KCTD19: variants seen among roughly 807,000 people sequenced by gnomAD.
The protein encoded by KCTD19 is potassium channel tetramerization domain containing 19.
KCTD19 carries 67 observed loss-of-function variants against 103.5 expected under a neutral mutation model. The ratio of observed to expected loss-of-function variants is 0.65; its 90% CI spans 0.53 to 0.79. The LOEUF (loss-of-function observed/expected upper bound fraction) is 0.79. Among genes scored for constraint, KCTD19 ranks in the 30% least tolerant of loss-of-function variants. The pLI, the probability that KCTD19 is intolerant of heterozygous loss-of-function variation, is 0.00. For missense variants in KCTD19, 980 were observed against 1,136.1 expected (o/e 0.86, Z 1.98); for synonymous variants, 439 against 452.2 (o/e 0.97, Z 0.37).
At chr16:67,295,222 G>A in intron 9 of KCTD19, 41 bp downstream of exon 9, 1 of 1,608,302 alleles carries the variant, frequency 6.2e-7, no homozygotes, top group South Asian at 1.1e-5. Context: ...GGAGGGGTCA[G>A]CCTTCGTGAT....
At chr16:67,302,137 G>A in intron 4 of KCTD19, 1 of 458,444 alleles carries the variant, frequency 2.2e-6, no homozygotes, top group Non-Finnish European at 3.9e-6. Flanking sequence ...TGAGGCCGTG[G>A]GTGTGGCCTC....
At chr16:67,315,418 G>T (rs2037000807) in intron 2 of KCTD19, among the ~76,000 whole-genome samples, 1 of 151,448 alleles carries the variant, frequency 6.6e-6, no homozygotes, top group Non-Finnish European at 1.5e-5. Context: ...CGACACTCCT[G>T]CCTCAGCCTC....
At chr16:67,321,599 A>G (rs1040201309) in intron 1 of KCTD19, 1 of 152,242 alleles carries the variant, frequency 6.6e-6, no homozygotes, top group South Asian at 2.1e-4. Flanking sequence ...GATCCAGAAT[A>G]GCTAAAACAG....
chr16:67,293,154 G>A lies in KCTD19; in HGVS notation c.2218+390C>T, dbSNP rs963278132. On this transcript the variant is annotated intron_variant, in intron 12 of 15. Coordinates refer to ENST00000304372, the MANE Select transcript of KCTD19 (RefSeq NM_001100915.3). The surrounding 1 kb of genome is among the most constrained non-coding windows in gnomAD (Gnocchi z 4.0). ...GTCCTGAAGCTGGCCCACGAGGCCT[G>A]TCCTTATGACTTCTGTCTTCAGCCT... Among the ~76,000 whole-genome samples, 1 of 152,204 alleles carries A rather than the reference G, an allele frequency of 6.6e-6. No individual in the cohort carries two copies.
chr16:67,325,923 T>C (rs1397825927), intron 1 of KCTD19: 1 of 150,744 alleles, frequency 6.6e-6, no homozygotes, highest in East Asian at 1.9e-4. Flanking sequence ...ACCTTTTTTT[T>C]TTTTTTTTTT....
Position 67,297,605 on chromosome 16 carries a change from G to T in KCTD19, c.1045C>A (p.Leu349Ile). Residue 349 changes from leucine to isoleucine, a missense_variant, in exon 7 of 16, where the codon CTC becomes ATC. By Grantham distance (5) the Leu-to-Ile change is conservative. Coordinates refer to ENST00000304372, the MANE Select transcript of KCTD19 (RefSeq NM_001100915.3). ...LTETISEVYE[L>I]CAFLDKRDIT... is the part of the protein sequence containing the mutation. ...TCCCTTTTGTCTAGGAAGGCACAGAGCTCATATACCTCGGAAATGGTCTCT... is the reference window on the plus strand; with the variant it reads ...TCCCTTTTGTCTAGGAAGGCACAGATCTCATATACCTCGGAAATGGTCTCT... The T allele has an allele frequency of 6.2e-7, 1 of 1,614,112 alleles. No homozygotes were observed. Among genetic ancestry groups the T allele is most frequent in the African/African-American group, 1.3e-5 (1 of 75,026 alleles).
In KCTD19 at chr16:67,293,498, T is replaced by C; in HGVS notation, c.2218+46A>G. ...TGCCATCTTGGCCAAAGAGTTTGCCTTCTCTGTTGTGAATAAGACTTAGAT... is the reference window on the plus strand; with the variant it reads ...TGCCATCTTGGCCAAAGAGTTTGCCCTCTCTGTTGTGAATAAGACTTAGAT... On this transcript the variant is annotated intron_variant, in intron 12 of 15. Transcript: ENST00000304372. This position sits in a 1 kb window ranked among gnomAD's most constrained non-coding sequence, Gnocchi z 4.0. The C allele has an allele frequency of 1.3e-6, 2 of 1,579,250 alleles. No homozygotes were observed. The highest frequency in any genetic ancestry group is 8.6e-7 in the Non-Finnish European group (1 of 1,160,244).
intron 2 of KCTD19, among the ~76,000 whole-genome samples, chr16:67,312,002 A>C (rs893460045): frequency 5.3e-5 from 8 of 152,194 alleles, no homozygotes; most frequent in Admixed American, 6.5e-5. Flanking sequence ...CTATTTTCTT[A>C]AAAACGTCAT....
In KCTD19 at chr16:67,293,475, C is replaced by T. The variant is rs1238695792; in HGVS notation, c.2218+69G>A. The T allele has an allele frequency of 9.8e-6, 15 of 1,536,682 alleles. No individual in the cohort carries two copies. Among genetic ancestry groups the T allele is most frequent in the South Asian group, 1.2e-5 (1 of 80,450 alleles). ...CCTCCTTTGTCACTAACTTGCTCTG[C>T]CATCTTGGCCAAAGAGTTTGCCTTC... On this transcript the variant is annotated intron_variant, in intron 12 of 15. Coordinates refer to ENST00000304372, the MANE Select transcript of KCTD19 (RefSeq NM_001100915.3). The surrounding 1 kb of genome is among the most constrained non-coding windows in gnomAD (Gnocchi z 4.0).
At chr16:67,325,564 T>C (rs2037143098) in intron 1 of KCTD19, among the ~76,000 whole-genome samples, 1 of 151,882 alleles carries the variant, frequency 6.6e-6, no homozygotes, top group Admixed American at 6.6e-5. Flanking sequence ...TTGTTAAGGA[T>C]AGGGTGTGAC....
intron 1 of KCTD19, among the ~76,000 whole-genome samples, chr16:67,322,364 T>C (rs1340270754): frequency 6.7e-6 from 1 of 149,782 alleles, no homozygotes; most frequent in Non-Finnish European, 1.5e-5. Flanking sequence ...GTGGTAACAA[T>C]CTCGGCTCAC....
chr16:67,320,911 T>C lies in KCTD19; in HGVS notation c.4-26A>G, dbSNP rs1413590543. On this transcript the variant is annotated intron_variant, in intron 1 of 15. Transcript: ENST00000304372. This position sits in a 1 kb window ranked among gnomAD's most constrained non-coding sequence, Gnocchi z 4.0. Reference sequence around the variant, plus strand: ...CTAAAGGGGGAATGAAAAAGAGATCTACGCAAGAAAAAGAAATAAAAAGGC... The same window carrying C: ...CTAAAGGGGGAATGAAAAAGAGATCCACGCAAGAAAAAGAAATAAAAAGGC... 2.6e-6 allele frequency: 4 copies of C among 1,566,384 alleles called. No individual in the cohort carries two copies. The East Asian group carries it at 9.0e-5, about 35-fold the overall frequency.
chr16:67,314,799 TTATATATATATATATATA>T (rs138495581), intron 2 of KCTD19, among the ~76,000 whole-genome samples: 3 of 45,896 alleles, frequency 6.5e-5, no homozygotes, highest in Non-Finnish European at 3.5e-5. Context: ...TCACTTAGCA[TTATATATATATATATATA>T]TATATATATA....
rs770232750 is a variant in KCTD19, at chr16:67,304,533, G to A, written c.339C>T (p.Arg113=). Residue 113 remains arginine (R), a synonymous_variant, in exon 3 of 16, where the codon CGC becomes CGT. Coordinates refer to ENST00000304372, the MANE Select transcript of KCTD19 (RefSeq NM_001100915.3). ...CAACAGGTAGGTCTGCAGGCCGTACGCGTAGATGGTGTTTCCCTTCCTTCA... is the reference window on the plus strand; with the variant it reads ...CAACAGGTAGGTCTGCAGGCCGTACACGTAGATGGTGTTTCCCTTCCTTCA... ...DNLKEGKHHL[R]VRPADLPVAE... is the part of the protein sequence containing the mutation. 8 of 1,613,858 alleles carry A rather than the reference G, an allele frequency of 5.0e-6. No homozygotes were observed. Among genetic ancestry groups the A allele is most frequent in the East Asian group, 2.2e-5 (1 of 44,900 alleles).
At chr16:67,290,736 T>C in intron 15 of KCTD19, 149 bp downstream of exon 15, 1 of 657,120 alleles carries the variant, frequency 1.5e-6, no homozygotes, top group Non-Finnish European at 2.6e-6. Context: ...GTTAATTTCA[T>C]GCAGTTTCTC....
intron 2 of KCTD19, among the ~76,000 whole-genome samples, chr16:67,319,237 A>G (rs894604846): frequency 2.6e-5 from 4 of 152,174 alleles, no homozygotes; most frequent in East Asian, 1.9e-4. Flanking sequence ...GAAAAAAAAA[A>G]AAAAGAAAAT....
At position 67,291,802 on chromosome 16, in the gene KCTD19, T is replaced by C; in HGVS notation, c.2254A>G (p.Ser752Gly). Residue 752 changes from serine to glycine, a missense_variant, in exon 13 of 16, where the codon AGT becomes GGT. Transcript: ENST00000304372. ...ATAACCCCTAGGCTGTCCACCTCACTGGCCTCGGGCAGAGGCTGCTCAGGG... is the reference window on the plus strand; with the variant it reads ...ATAACCCCTAGGCTGTCCACCTCACCGGCCTCGGGCAGAGGCTGCTCAGGG... Reference protein sequence around the residue: ...PAPEQPLPEASEVDSLGVILK... With the variant: ...PAPEQPLPEAGEVDSLGVILK... 1 of 1,613,090 alleles carries C rather than the reference T, an allele frequency of 6.2e-7. No individual in the cohort carries two copies. Among genetic ancestry groups the C allele is most frequent in the Non-Finnish European group, 8.5e-7 (1 of 1,179,458 alleles).
intron 1 of KCTD19, among the ~76,000 whole-genome samples, chr16:67,325,703 T>C (rs187151504): frequency 1.3e-5 from 2 of 152,258 alleles, no homozygotes; most frequent in Admixed American, 6.5e-5. Flanking sequence ...GGCTGGTTAG[T>C]GCAGAGCTAT....
In KCTD19 at chr16:67,294,705, C is replaced by T. The variant is rs761844144; in HGVS notation, c.1476-11G>A. On this transcript the variant is annotated splice_polypyrimidine_tract_variant and intron_variant, in intron 10 of 15. Coordinates refer to ENST00000304372, the MANE Select transcript of KCTD19 (RefSeq NM_001100915.3). ...TCCTGAGTCCATGACCTGCAGAAAC[C>T]AAGAGGGGTTGGTTAGTGAGTAGAG... The T allele has an allele frequency of 6.3e-7, 1 of 1,592,208 alleles. No individual in the cohort carries two copies. The highest frequency in any genetic ancestry group is 8.6e-7 in the Non-Finnish European group (1 of 1,159,984).
Sources: allele counts gnomAD v4.1 joint callset (sites outside exome capture counted in the v4.1 genomes callset), GRCh38; gene constraint gnomAD v4.1.1; non-coding constraint Gnocchi (gnomAD v3.1); transcripts MANE v1.5; gene names NCBI Gene and HGNC (gene_info 2026-07-23, HGNC 2026-07-21).